The following GET3 variants were observed in gnomAD, a reference collection of about 807,000 sequenced individuals.
GET3 encodes the protein guided entry of tail-anchored proteins factor 3, ATPase.
GET3 carries 15 observed loss-of-function variants against 32.4 expected under a neutral mutation model. That is an observed-to-expected ratio of 0.46 (90% confidence interval 0.31 to 0.71). The LOEUF (loss-of-function observed/expected upper bound fraction) is 0.71. Ranked by LOEUF, GET3 falls within the 30% of genes least tolerant of loss-of-function variation. The pLI, the probability that GET3 is intolerant of heterozygous loss-of-function variation, is 0.05. For missense variants in GET3, 333 were observed against 459.0 expected, an observed-to-expected ratio of 0.73 and a Z score of 2.51; for synonymous variants, 198 against 185.6, an observed-to-expected ratio of 1.07 and a Z score of -0.54.
In GET3 at chr19:12,748,069, C is replaced by T. The variant is rs1967808535; in HGVS notation, c.1012C>T (p.Leu338Phe). 1 of 1,610,282 alleles carries T rather than the reference C, an allele frequency of 6.2e-7. No individual in the cohort carries two copies. The highest frequency in any genetic ancestry group is 1.3e-5 in the African/African-American group (1 of 74,972). ...CAAGGTCAACACCTTCTCGGCCCTC[C>T]TCCTGGAGCCCTACAAGCCCCCCAG... ...ADKVNTFSAL[L>F]LEPYKPPSAQ The change falls in exon 7 of 7, where the codon CTC becomes TTC. Residue 338 changes from leucine (L) to phenylalanine (F), a missense_variant. Around this residue, in one of 3 missense-constraint regions of GET3, gnomAD observed 39 missense variants for 33.0 expected, o/e 1.18. Transcript: ENST00000357332.
chr19:12,744,812 C>T (rs1967739162), intron 2 of GET3, among the ~76,000 whole-genome samples: 1 of 151,960 alleles, frequency 6.6e-6, no homozygotes, highest in Non-Finnish European at 1.5e-5. Context: ...TCAGATAGGT[C>T]TTGCTATATT....
chr19:12,739,090 G>C (rs1184968950), intron 2 of GET3, among the ~76,000 whole-genome samples: 1 of 152,214 alleles, frequency 6.6e-6, no homozygotes, highest in Non-Finnish European at 1.5e-5. Flanking sequence ...AGGAGATTGG[G>C]GGTGTAACCA....
rs1234249260 is a variant in GET3, at chr19:12,748,082, A to G, written c.1025A>G (p.Tyr342Cys). Residue 342 changes from tyrosine to cysteine, a missense_variant, in exon 7 of 7, where the codon TAC (tyrosine) becomes TGC (cysteine). By Grantham distance (194) the Tyr-to-Cys change is radical (BLOSUM62 -2). Coordinates refer to ENST00000357332, the MANE Select transcript of GET3 (RefSeq NM_004317.4). ...TTCTCGGCCCTCCTCCTGGAGCCCT[A>G]CAAGCCCCCCAGTGCCCAGTAGCAC... ...NTFSALLLEP[Y>C]KPPSAQ The G allele has an allele frequency of 1.2e-6, 2 of 1,606,246 alleles. No homozygotes were observed. Among genetic ancestry groups the G allele is most frequent in the Non-Finnish European group, 1.7e-6 (2 of 1,174,800 alleles).
In GET3 at chr19:12,745,363, C is replaced by A; in HGVS notation, c.310-14C>A. ...CAGTAGCAGCAACCTCAGTCTCATC[C>A]CTTTGGCCCCCAGGAGATTGACCCC... is the stretch of plus-strand genomic sequence containing the variant. On this transcript the variant is annotated splice_polypyrimidine_tract_variant and intron_variant, in intron 2 of 6. Coordinates refer to ENST00000357332, the MANE Select transcript of GET3 (RefSeq NM_004317.4). This position sits in a 1 kb window ranked among gnomAD's most constrained non-coding sequence, Gnocchi z 5.0. 6.2e-7 allele frequency: 1 copy of A among 1,606,974 alleles called. No individual in the cohort carries two copies. Among genetic ancestry groups the A allele is most frequent in the Non-Finnish European group, 8.5e-7 (1 of 1,179,714 alleles).
intron 2 of GET3, 52 bp downstream of exon 2, chr19:12,738,710 T>C: frequency 6.2e-7 from 1 of 1,610,852 alleles, no homozygotes; most frequent in African/African-American, 1.3e-5. Flanking sequence ...TCTTCCAGCC[T>C]TTCTTGTGCG....
intron 2 of GET3, 42 bp downstream of exon 2, chr19:12,738,700 T>C: frequency 6.2e-7 from 1 of 1,613,004 alleles, no homozygotes; most frequent in Non-Finnish European, 8.5e-7. Flanking sequence ...GGGAAAAGCC[T>C]CTTCCAGCCT....
chr19:12,742,914 G>T (rs1379406965), intron 2 of GET3, among the ~76,000 whole-genome samples: 1 of 152,176 alleles, frequency 6.6e-6, no homozygotes, highest in Non-Finnish European at 1.5e-5. Flanking sequence ...TTTGCCAACA[G>T]CAAGGGGAAA....
Position 12,747,301 on chromosome 19 carries a change from C to T in GET3, c.714C>T (p.Asp238=). The change falls in exon 5 of 7, where the codon GAC becomes GAT. Residue 238 remains aspartate (D), a synonymous_variant. Coordinates refer to ENST00000357332, the MANE Select transcript of GET3 (RefSeq NM_004317.4). This position sits in a 1 kb window ranked among gnomAD's most constrained non-coding sequence, Gnocchi z 4.0. ...GCTCAGTCAGCGAACAGTTCAAGGA[C>T]CCTGTGAGTGGTGGTCTGGCTGGCG... is the stretch of plus-strand genomic sequence containing the variant. ...VIRSVSEQFK[D]PEQTTFICVC... is the part of the protein sequence containing the mutation. The T allele has an allele frequency of 6.2e-7, 1 of 1,610,420 alleles. No homozygotes were observed. Among genetic ancestry groups the T allele is most frequent in the South Asian group, 1.1e-5 (1 of 90,764 alleles).
Position 12,747,297 on chromosome 19 carries a change from A to G in GET3, c.710A>G (p.Lys237Arg). 1.2e-6 allele frequency: 2 copies of G among 1,611,020 alleles called. No individual in the cohort carries two copies. Among genetic ancestry groups the G allele is most frequent in the African/African-American group, 1.3e-5 (1 of 75,002 alleles). The stretch of plus-strand genomic sequence containing the variant: ...ATCCGCTCAGTCAGCGAACAGTTCA[A>G]GGACCCTGTGAGTGGTGGTCTGGCT... ...PVIRSVSEQF[K>R]DPEQTTFICV... The change falls in exon 5 of 7, where the codon AAG becomes AGG. Residue 237 changes from lysine to arginine, a missense_variant. Physicochemically the swap from Lys to Arg is conservative, Grantham distance 26. Coordinates refer to ENST00000357332, the MANE Select transcript of GET3 (RefSeq NM_004317.4). The surrounding 1 kb of genome is among the most constrained non-coding windows in gnomAD (Gnocchi z 4.0).
rs8177486 is a variant in GET3 at position 12,745,960 on chromosome 19, TA to T, written c.609+204del. Among the ~76,000 whole-genome samples, 337 of 152,258 alleles carry T rather than the reference TA, an allele frequency of 2.2e-3. 1 individual carries two copies. Among genetic ancestry groups the T allele is most frequent in the African/African-American group, 7.9e-3 (329 of 41,560 alleles). On this transcript the variant is annotated intron_variant, in intron 4 of 6. Coordinates refer to ENST00000357332, the MANE Select transcript of GET3 (RefSeq NM_004317.4). The surrounding 1 kb of genome is among the most constrained non-coding windows in gnomAD (Gnocchi z 5.0). The stretch of plus-strand genomic sequence containing the variant: ...ACTCAGTGTCCCTGCCCCTGCCCGC[TA>T]AATACCCTAGACAGAGCCAGAAAGC...
chr19:12,737,758 G>C, intron 1 of GET3, 92 bp downstream of exon 1: 1 of 1,466,910 alleles, frequency 6.8e-7, no homozygotes, highest in East Asian at 2.6e-5. Context: ...CACGACCGGG[G>C]CATGGGGGCT....
chr19:12,748,014 G>A lies in GET3; in HGVS notation c.957G>A (p.Pro319=), dbSNP rs143068198. Residue 319 remains proline (P), a synonymous_variant, in exon 7 of 7, where the codon CCG becomes CCA. Coordinates refer to ENST00000357332, the MANE Select transcript of GET3 (RefSeq NM_004317.4). ...AAGACTTCCACATCGTGAAGCTGCC[G>A]CTGTTACCCCATGAGGTGCGGGGGG... ...LYEDFHIVKL[P]LLPHEVRGAD... is the part of the protein sequence containing the mutation. 9.2e-5 allele frequency: 149 copies of A among 1,611,652 alleles called. No homozygotes were observed. In the African/African-American group the frequency reaches 1.3e-3, roughly 14 times the overall value.
Position 12,746,731 on chromosome 19 carries a change from C to T in GET3, c.610-466C>T, listed in dbSNP as rs577009406. 9.9e-5 allele frequency among the ~76,000 whole-genome samples: 15 copies of T among 152,230 alleles called. No homozygotes were observed. The East Asian group carries it at 2.3e-3, about 24-fold the overall frequency. ...TCCCTAAAAATGGCAAAGCTGAGGC[C>T]GGCCGCAGTGGCTCATGCCTGTAAT... On this transcript the variant is annotated intron_variant, in intron 4 of 6. Transcript: ENST00000357332.
chr19:12,743,509 G>C (rs1967708628), intron 2 of GET3, among the ~76,000 whole-genome samples: 1 of 150,704 alleles, frequency 6.6e-6, no homozygotes, highest in Non-Finnish European at 1.5e-5. Flanking sequence ...AGCCAGGCAT[G>C]GCCAGGCGTG....
At chr19:12,743,106 C>T (rs1178383563) in intron 2 of GET3, among the ~76,000 whole-genome samples, 2 of 152,144 alleles carry the variant, frequency 1.3e-5, no homozygotes, top group African/African-American at 2.4e-5. Flanking sequence ...GGGAATGACC[C>T]CTAAGGCCAG....
chr19:12,740,538 A>G (rs560868667), intron 2 of GET3, among the ~76,000 whole-genome samples: 170 of 151,478 alleles, frequency 1.1e-3, no homozygotes, highest in Non-Finnish European at 2.1e-3. Context: ...TTAGCCAGGT[A>G]TGGTGGCGGG....
At chr19:12,743,947 T>C (rs1327576726) in intron 2 of GET3, among the ~76,000 whole-genome samples, 1 of 143,042 alleles carries the variant, frequency 7.0e-6, no homozygotes, top group Non-Finnish European at 1.5e-5. Flanking sequence ...GCCAGGATGG[T>C]CTCGATCTCC....
intron 2 of GET3, among the ~76,000 whole-genome samples, chr19:12,739,134 A>G (rs1026723016): frequency 6.6e-6 from 1 of 151,520 alleles, no homozygotes; most frequent in African/African-American, 2.4e-5. Flanking sequence ...ACTCTGGTGG[A>G]GGCAGAATGT....
chr19:12,743,304 C>T (rs1967703295), intron 2 of GET3, among the ~76,000 whole-genome samples: 1 of 151,744 alleles, frequency 6.6e-6, no homozygotes, highest in South Asian at 2.1e-4. Context: ...ATAGAGAAGC[C>T]CCGTCTCTAC....
Sources: gnomAD v4.1 joint callset for allele counts (sites outside exome capture counted in the v4.1 genomes callset) on GRCh38, gnomAD v4.1.1 for gene constraint, gnomAD v4.1.1 regional missense constraint, Gnocchi (gnomAD v3.1) non-coding constraint, MANE v1.5 for transcripts, NCBI Gene and HGNC (gene_info 2026-07-23, HGNC 2026-07-21) for gene names.